The following OLAH variants were observed in gnomAD, a reference collection of about 807,000 sequenced individuals.
OLAH encodes S-acyl fatty acid synthase thioesterase, medium chain.
OLAH carries 33 observed loss-of-function variants against 27.8 expected under a neutral mutation model. The observed-to-expected ratio is 1.19, with a 90% CI of 0.90 to 1.59. OLAH has a LOEUF of 1.59. Among genes scored for constraint, OLAH ranks in the 40% most tolerant of loss-of-function variants. OLAH has a pLI of 0.00. For missense variants in OLAH, 359 were observed against 310.8 expected (o/e 1.16, Z -1.17); for synonymous variants, 120 against 102.9 (o/e 1.17, Z -1.01).
In OLAH at chr10:15,037,000, AC is replaced by A. The variant is rs112912163; in HGVS notation, c.-164+4652del. Among the ~76,000 whole-genome samples, 1,218 of 152,114 alleles carry A rather than the reference AC, an allele frequency of 8.0e-3. 15 individuals carry two copies. The highest frequency in any genetic ancestry group is 0.028 in the African/African-American group (1,160 of 41,502). On this transcript the variant is annotated intron_variant, in intron 1 of 3. Transcript: ENST00000413672. ...AGGCTGAGGCAGGAGAATCGCTTGAACCTGGGAGGCAGAGGTTGCAGTGAGC... is the reference window on the plus strand; with the variant it reads ...AGGCTGAGGCAGGAGAATCGCTTGAACTGGGAGGCAGAGGTTGCAGTGAGC...
intron 3 of OLAH, among the ~76,000 whole-genome samples, chr10:15,058,488 T>C (rs1477898514): frequency 2.0e-5 from 3 of 152,360 alleles, no homozygotes; most frequent in East Asian, 1.9e-4. Flanking sequence ...TGTTATTCCA[T>C]TCCTCTCTCT....
intron 5 of OLAH, 27 bp from the exon 6 acceptor site, chr10:15,065,557 G>A: frequency 6.3e-7 from 1 of 1,591,114 alleles, no homozygotes; most frequent in Middle Eastern, 1.7e-4. Flanking sequence ...TGAAATATCA[G>A]GCCTGTGTTG....
At chr10:15,053,077 T>C (rs1381428268) in intron 3 of OLAH, among the ~76,000 whole-genome samples, 1 of 152,052 alleles carries the variant, frequency 6.6e-6, no homozygotes, top group Non-Finnish European at 1.5e-5. Flanking sequence ...ATGCAACTAC[T>C]ATGGGTCAAG....
At chr10:15,035,962 G>C (rs1843835115) in intron 1 of OLAH, among the ~76,000 whole-genome samples, 1 of 152,118 alleles carries the variant, frequency 6.6e-6, no homozygotes, top group Non-Finnish European at 1.5e-5. Context: ...GCCCAGAATG[G>C]TGTGTGGTTT....
At chr10:15,058,781 C>T (rs1320312168) in intron 3 of OLAH, among the ~76,000 whole-genome samples, 3 of 152,154 alleles carry the variant, frequency 2.0e-5, no homozygotes, top group Admixed American at 1.3e-4. Flanking sequence ...ATTGAATTCT[C>T]GTGGGTTTTA....
intron 6 of OLAH, among the ~76,000 whole-genome samples, chr10:15,068,867 A>G (rs1844523467): frequency 6.6e-6 from 1 of 152,006 alleles, no homozygotes; most frequent in African/African-American, 2.4e-5. Flanking sequence ...TGTTGCTGTG[A>G]TGACCTTGAG....
At chr10:15,064,335 T>C in intron 4 of OLAH, 68 bp from the exon 5 acceptor site, 1 of 866,772 alleles carries the variant, frequency 1.2e-6, no homozygotes, top group Non-Finnish European at 1.9e-6. Flanking sequence ...CTGTTCCTTT[T>C]GACTTTCGGT....
intron 6 of OLAH, among the ~76,000 whole-genome samples, chr10:15,071,132 T>C (rs1589255295): frequency 6.6e-6 from 1 of 152,262 alleles, no homozygotes; most frequent in East Asian, 1.9e-4. Flanking sequence ...GCTGGCTCTA[T>C]GCCCTTTGAC....
upstream of OLAH, among the ~76,000 whole-genome samples, chr10:15,042,443 G>A (rs747746761): frequency 4.6e-5 from 7 of 152,180 alleles, no homozygotes; most frequent in African/African-American, 4.8e-5. Context: ...GTGAGCCAGC[G>A]TGCCCAGCCC....
At chr10:15,048,876 C>T (rs372295703) in intron 2 of OLAH, among the ~76,000 whole-genome samples, 3 of 151,864 alleles carry the variant, frequency 2.0e-5, no homozygotes, top group Non-Finnish European at 2.9e-5. Context: ...CCGAGGCGGG[C>T]GGATCACCTG....
At chr10:15,044,771 C>G (rs1355964013) in intron 1 of OLAH, among the ~76,000 whole-genome samples, 1 of 152,136 alleles carries the variant, frequency 6.6e-6, no homozygotes, top group Non-Finnish European at 1.5e-5. Context: ...CTATTCTCTT[C>G]CATGTTTTTG....
upstream of OLAH, among the ~76,000 whole-genome samples, chr10:15,042,132 T>C (rs756128212): frequency 4.6e-5 from 7 of 151,858 alleles, no homozygotes; most frequent in Admixed American, 3.3e-4. Context: ...CAGGCACAAA[T>C]ACAACAAATA....
intron 3 of OLAH, among the ~76,000 whole-genome samples, chr10:15,053,761 C>CTGGA (rs1290446073): frequency 6.6e-6 from 1 of 151,820 alleles, no homozygotes; most frequent in African/African-American, 2.4e-5. Context: ...GTTGCCCAGG[C>CTGGA]TGGAGTGTGG....
intron 1 of OLAH, among the ~76,000 whole-genome samples, chr10:15,036,683 C>A (rs1489063971): frequency 6.6e-6 from 1 of 151,996 alleles, no homozygotes; most frequent in African/African-American, 2.4e-5. Context: ...GATTGGGGGG[C>A]CTTGCTATGT....
chr10:15,034,102 A>G (rs11259444), intron 1 of OLAH, among the ~76,000 whole-genome samples: 1,063 of 60,406 alleles, frequency 0.018, 9 homozygotes, highest in East Asian at 0.081. Flanking sequence ...AGACTCCACC[A>G]TTTTTTTTTT....
intron 5 of OLAH, 75 bp from the exon 6 acceptor site, chr10:15,065,509 G>T: frequency 6.8e-7 from 1 of 1,467,472 alleles, no homozygotes; most frequent in East Asian, 2.3e-5. Context: ...TTTTCCCTTA[G>T]ATCAACAGTT....
chr10:15,033,704 C>T (rs183496383), intron 1 of OLAH, among the ~76,000 whole-genome samples: 11 of 152,186 alleles, frequency 7.2e-5, no homozygotes, highest in Non-Finnish European at 1.5e-5. Context: ...TTTGAACGTG[C>T]GTCCTCCAGA....
chr10:15,068,021 T>C (rs2131377122), intron 6 of OLAH: 1 of 152,294 alleles, frequency 6.6e-6, no homozygotes, highest in South Asian at 2.1e-4. Context: ...GCAAGTTCTG[T>C]TTTGTTTCTT....
chr10:15,056,754 C>A, intron 3 of OLAH: 1 of 1,283,938 alleles, frequency 7.8e-7, no homozygotes, highest in South Asian at 2.7e-5. Flanking sequence ...CCTCAGCCTC[C>A]TGAGTAGCTG....
Sources: allele counts gnomAD v4.1 joint callset (sites outside exome capture counted in the v4.1 genomes callset), GRCh38; gene constraint gnomAD v4.1.1; transcripts MANE v1.5; gene names NCBI Gene and HGNC (gene_info 2026-07-23, HGNC 2026-07-21).